Variants in EPS15 observed in about 807,000 individuals in gnomAD.
EPS15 encodes epidermal growth factor receptor substrate 15.
A neutral mutation model predicts 113.8 loss-of-function variants in EPS15; 72 were observed. That is an observed-to-expected ratio of 0.63 (90% CI 0.52 to 0.77). The LOEUF is 0.77. EPS15 is among the 30% of genes least tolerant of loss of function. The pLI is 0.00. For missense variants in EPS15, 1,048 were observed against 1,045.8 expected (o/e 1.00, Z -0.03); for synonymous variants, 344 against 363.4 (o/e 0.95, Z 0.61).
At chr1:51,387,095 A>G (rs1647101081) in intron 21 of EPS15, among the ~76,000 whole-genome samples, 1 of 152,238 alleles carries the variant, frequency 6.6e-6, no homozygotes, top group African/African-American at 2.4e-5. Flanking sequence ...CACAAAGGGA[A>G]GCCCATCAGA....
At chr1:51,412,409 A>G (rs1649814441) in intron 13 of EPS15, among the ~76,000 whole-genome samples, 1 of 152,198 alleles carries the variant, frequency 6.6e-6, no homozygotes, top group South Asian at 2.1e-4. Flanking sequence ...TCTCTTTCTG[A>G]TTCCTTTGAC....
intron 12 of EPS15, among the ~76,000 whole-genome samples, chr1:51,437,567 C>T (rs546101235): frequency 6.6e-6 from 1 of 150,650 alleles, no homozygotes; most frequent in South Asian, 2.1e-4. Context: ...ACTGCAACCT[C>T]TGCCTCCCAG....
At chr1:51,511,480 G>T (rs901719093) in intron 1 of EPS15, among the ~76,000 whole-genome samples, 3 of 152,180 alleles carry the variant, frequency 2.0e-5, no homozygotes, top group Non-Finnish European at 4.4e-5. Context: ...GGACGACAGA[G>T]CGAGACTCTC....
chr1:51,473,147 T>C (rs1262766511), intron 2 of EPS15, among the ~76,000 whole-genome samples, 199 bp from the exon 3 acceptor site: 2 of 152,168 alleles, frequency 1.3e-5, no homozygotes, highest in Non-Finnish European at 2.9e-5. Flanking sequence ...ATTTACAAAG[T>C]GGTTTTTGTT....
chr1:51,477,265 T>C (rs1032469388), intron 2 of EPS15, among the ~76,000 whole-genome samples: 1 of 152,180 alleles, frequency 6.6e-6, no homozygotes, highest in African/African-American at 2.4e-5. Flanking sequence ...TAGTCTCTGA[T>C]GGTAGTTTGT....
At chr1:51,404,022 C>T (rs1223928220) in intron 16 of EPS15, among the ~76,000 whole-genome samples, 4 of 152,168 alleles carry the variant, frequency 2.6e-5, no homozygotes, top group African/African-American at 9.7e-5. Flanking sequence ...TTGTCTTCTT[C>T]ATTTAGACGA....
At chr1:51,420,930 T>C (rs1163199985) in intron 13 of EPS15, among the ~76,000 whole-genome samples, 3 of 152,030 alleles carry the variant, frequency 2.0e-5, no homozygotes, top group African/African-American at 7.2e-5. Context: ...AGCAGGAAAA[T>C]CCAACATACA....
In EPS15 at chr1:51,481,324, AC is replaced by A; in HGVS notation, c.34-11del. 8.7e-7 allele frequency: 1 copy of A among 1,150,628 alleles called. No homozygotes were observed. The allele number at this position is 1,150,628 out of a possible 1,614,324, so 71.3% of individuals were successfully genotyped here. ...GATTCCCACTTGATAACTGAAATAA[AC>A]ACATTAATAAAAATTAGATGCTATT... On this transcript the variant is annotated splice_polypyrimidine_tract_variant and intron_variant, in intron 1 of 24. Transcript: ENST00000371733.
chr1:51,461,230 G>A (rs1329304832), intron 7 of EPS15, 80 bp from the exon 8 acceptor site: 1 of 1,067,418 alleles, frequency 9.4e-7, no homozygotes, highest in East Asian at 2.4e-5. Context: ...GAAAGTTTAT[G>A]AGCTAGGAAT....
chr1:51,371,456 T>A (rs1646648651), intron 21 of EPS15, among the ~76,000 whole-genome samples: 1 of 151,712 alleles, frequency 6.6e-6, no homozygotes, highest in Non-Finnish European at 1.5e-5. Flanking sequence ...TGTGTATTAA[T>A]TTTTTTTCCT....
At chr1:51,482,004 T>C (rs1286184372) in intron 1 of EPS15, among the ~76,000 whole-genome samples, 2 of 152,034 alleles carry the variant, frequency 1.3e-5, no homozygotes, top group Non-Finnish European at 2.9e-5. Flanking sequence ...ACCTCGTCTT[T>C]ACAAATAATT....
At chr1:51,486,192 TG>T (rs1348626522) in intron 1 of EPS15, among the ~76,000 whole-genome samples, 7 of 148,668 alleles carry the variant, frequency 4.7e-5, no homozygotes, top group Admixed American at 3.4e-4. Context: ...CCAAGGCGGG[TG>T]GATCACCTGA....
At chr1:51,474,315 A>G (rs1655448343) in intron 2 of EPS15, among the ~76,000 whole-genome samples, 1 of 152,228 alleles carries the variant, frequency 6.6e-6, no homozygotes, top group Non-Finnish European at 1.5e-5. Flanking sequence ...GTCTGTATCT[A>G]TAAGACATAC....
At chr1:51,458,487 G>A (rs56167325) in intron 8 of EPS15, 9,589 of 421,838 alleles carry the variant, frequency 0.023, 136 homozygotes, top group African/African-American at 0.049. Flanking sequence ...CTGTAATCCC[G>A]GCACTTTGGG....
At chr1:51,435,283 A>T (rs1358672447) in intron 12 of EPS15, among the ~76,000 whole-genome samples, 1 of 151,608 alleles carries the variant, frequency 6.6e-6, no homozygotes, top group Non-Finnish European at 1.5e-5. Flanking sequence ...AACTTCTGCC[A>T]CCCAGGTTCA....
intron 21 of EPS15, among the ~76,000 whole-genome samples, chr1:51,374,419 C>T (rs747249300): frequency 1.3e-5 from 2 of 152,134 alleles, no homozygotes; most frequent in African/African-American, 2.4e-5. Flanking sequence ...GGCTTCGAGA[C>T]CAGCCTGGCC....
At chr1:51,508,709 A>T (rs1049424069) in intron 1 of EPS15, among the ~76,000 whole-genome samples, 2 of 152,148 alleles carry the variant, frequency 1.3e-5, no homozygotes, top group African/African-American at 4.8e-5. Flanking sequence ...TAGATCACAG[A>T]TCTTTTGAAG....
intron 10 of EPS15, among the ~76,000 whole-genome samples, chr1:51,445,672 T>C (rs558616706): frequency 1.2e-4 from 18 of 151,960 alleles, no homozygotes; most frequent in Admixed American, 1.1e-3. Flanking sequence ...CTTTCTGAAA[T>C]CCTGATCTGT....
intron 5 of EPS15, among the ~76,000 whole-genome samples, chr1:51,466,286 T>C (rs1654834335): frequency 6.6e-6 from 1 of 151,726 alleles, no homozygotes; most frequent in Non-Finnish European, 1.5e-5. Flanking sequence ...ATAAACTGTA[T>C]TGACTATACT....
Sources: gnomAD v4.1 joint callset for allele counts (sites outside exome capture counted in the v4.1 genomes callset) on GRCh38, gnomAD v4.1.1 for gene constraint, MANE v1.5 for transcripts, NCBI Gene and HGNC (gene_info 2026-07-23, HGNC 2026-07-21) for gene names.